The following BZW2 variants were observed in gnomAD, a reference collection of about 807,000 sequenced individuals.
BZW2 encodes the protein eIF5-mimic protein 1.
A neutral mutation model predicts 53.2 loss-of-function variants in BZW2; 23 were observed. The ratio of observed to expected loss-of-function variants is 0.43; its 90% CI spans 0.31 to 0.61. BZW2 has a LOEUF of 0.61. Among genes scored for constraint, BZW2 ranks in the 20% least tolerant of loss-of-function variants. The pLI is 0.09. For synonymous variants in BZW2, 227 were observed against 186.4 expected, an observed-to-expected ratio of 1.22 and a Z score of -1.77; for missense variants, 409 against 503.1, an observed-to-expected ratio of 0.81 and a Z score of 1.79.
In BZW2 at chr7:16,679,855, G is replaced by A. The variant is rs115557684; in HGVS notation, c.236-1446G>A. On this transcript the variant is annotated intron_variant, in intron 3 of 11. Coordinates refer to ENST00000258761, the MANE Select transcript of BZW2 (RefSeq NM_014038.3). ...AACCTTCTACCTTAATTACAACGAA[G>A]TAAAATTAGAAAATAAAAATTCCTA... Among the ~76,000 whole-genome samples, 1,086 of 152,220 alleles carry A rather than the reference G, an allele frequency of 7.1e-3. 12 individuals are homozygous for A. Among genetic ancestry groups the A allele is most frequent in the African/African-American group, 0.024 (1,015 of 41,526 alleles).
intron 1 of BZW2, among the ~76,000 whole-genome samples, chr7:16,660,664 T>C (rs1189113653): frequency 6.6e-6 from 1 of 152,148 alleles, no homozygotes; most frequent in Non-Finnish European, 1.5e-5. Context: ...AAGTAACCAT[T>C]AGCCACACTG....
At chr7:16,664,676 G>A (rs2128354147) in intron 1 of BZW2, among the ~76,000 whole-genome samples, 1 of 152,288 alleles carries the variant, frequency 6.6e-6, no homozygotes, top group South Asian at 2.1e-4. Context: ...GTTCCACTTG[G>A]TGCCTAAATT....
rs1583736513 is a variant in BZW2, at chr7:16,685,894, T to A, written c.406-11T>A. The A allele has an allele frequency of 7.0e-7, 1 of 1,436,870 alleles. No individual in the cohort carries two copies. The highest frequency in any genetic ancestry group is 3.0e-5 in the Admixed American group (1 of 33,866). The allele number at this position is 1,436,870 out of a possible 1,614,324, so 89.0% of individuals were successfully genotyped here. On this transcript the variant is annotated splice_polypyrimidine_tract_variant and intron_variant, in intron 5 of 11. Coordinates refer to ENST00000258761, the MANE Select transcript of BZW2 (RefSeq NM_014038.3). ...TCTTTTTCTTTTTTTTTTTTTTTTT[T>A]TGACCCACAGCTTCTCCTCTTCCTT...
intron 7 of BZW2, among the ~76,000 whole-genome samples, chr7:16,692,236 AACCCTTATT>A (rs150658180): frequency 0.034 from 5,112 of 152,278 alleles, 165 homozygotes; most frequent in African/African-American, 0.086. Context: ...GGGAGAAGCC[AACCCTTATT>A]ACTGACAAAG....
chr7:16,669,213 C>T (rs1782527634), intron 2 of BZW2, among the ~76,000 whole-genome samples: 1 of 152,166 alleles, frequency 6.6e-6, no homozygotes, highest in Non-Finnish European at 1.5e-5. Context: ...GCAGCCTCTC[C>T]CTCCCAGATT....
chr7:16,689,718 G>T, intron 6 of BZW2, 79 bp from the exon 7 acceptor site: 1 of 1,208,910 alleles, frequency 8.3e-7, no homozygotes, highest in East Asian at 2.6e-5. Context: ...ACACATTTCA[G>T]GAAACCTGGT....
chr7:16,674,182 G>A (rs1218346998), intron 2 of BZW2, among the ~76,000 whole-genome samples: 4 of 152,222 alleles, frequency 2.6e-5, no homozygotes, highest in Non-Finnish European at 5.9e-5. Context: ...TTACAGGCGT[G>A]AGCCACCGCG....
Position 16,689,846 on chromosome 7 carries a change from A to G in BZW2, c.591A>G (p.Glu197=), listed in dbSNP as rs1354750280. 3 of 1,612,132 alleles carry G rather than the reference A, an allele frequency of 1.9e-6. No individual in the cohort carries two copies. Among genetic ancestry groups the G allele is most frequent in the Middle Eastern group, 1.7e-4 (1 of 6,058 alleles). ...AGCTTTTCAAAGCATGGATGGCAGAAAAAGATGCCAACTCTGTTACCTCGT... is the reference window on the plus strand; with the variant it reads ...AGCTTTTCAAAGCATGGATGGCAGAGAAAGATGCCAACTCTGTTACCTCGT... ...AVKLFKAWMA[E]KDANSVTSSL... The change falls in exon 7 of 12, where the codon GAA becomes GAG. Residue 197 remains glutamate, a synonymous_variant. Transcript: ENST00000258761.
At chr7:16,685,876 C>CTTTTTTTTTTTTTTTTTT (rs34699573) in intron 5 of BZW2, 29 bp from the exon 6 acceptor site, 11 of 1,294,586 alleles carry the variant, frequency 8.5e-6, no homozygotes, top group Admixed American at 7.0e-5. Flanking sequence ...TTTTCTTTTT[C>CTTTTTTTTTTTTTTTTTT]TTTTTTTTTT....
intron 2 of BZW2, among the ~76,000 whole-genome samples, chr7:16,672,837 C>A (rs574292497): frequency 3.3e-5 from 5 of 152,330 alleles, no homozygotes; most frequent in Admixed American, 3.3e-4. Flanking sequence ...ACCCAAACTT[C>A]CAGTCACCAC....
intron 10 of BZW2, 122 bp downstream of exon 10, chr7:16,698,308 A>G: frequency 3.0e-6 from 4 of 1,344,050 alleles, no homozygotes; most frequent in Non-Finnish European, 4.1e-6. Flanking sequence ...CAAGATGCTA[A>G]TTTGTGAAAG....
At chr7:16,692,930 CA>C (rs1416492276) in intron 7 of BZW2, among the ~76,000 whole-genome samples, 1 of 151,996 alleles carries the variant, frequency 6.6e-6, no homozygotes, top group Non-Finnish European at 1.5e-5. Flanking sequence ...GCATTCCAGG[CA>C]AAGGGAATGG....
chr7:16,704,683 T>A lies in BZW2; in HGVS notation c.1231+14T>A, dbSNP rs935098440. 2 of 1,557,182 alleles carry A rather than the reference T, an allele frequency of 1.3e-6. No homozygotes were observed. The highest frequency in any genetic ancestry group is 1.8e-6 in the Non-Finnish European group (2 of 1,137,866). On this transcript the variant is annotated intron_variant, in intron 11 of 11. Transcript: ENST00000258761. The stretch of plus-strand genomic sequence containing the variant: ...ATGCAGAAGAAGGTATGATTCTGTT[T>A]ACAAACATTGATGACCTTTAAACAC...
chr7:16,696,497 A>G (rs964473490), intron 8 of BZW2, among the ~76,000 whole-genome samples: 1 of 152,226 alleles, frequency 6.6e-6, no homozygotes, highest in Non-Finnish European at 1.5e-5. Flanking sequence ...ATGGACCTGT[A>G]CAAACCCAAG....
intron 5 of BZW2, among the ~76,000 whole-genome samples, chr7:16,683,053 G>A (rs377207609): frequency 2.0e-5 from 3 of 151,968 alleles, no homozygotes; most frequent in Admixed American, 6.6e-5. Flanking sequence ...AAAATTACCC[G>A]GGCATGGTGG....
chr7:16,655,630 C>T (rs1401904216), intron 1 of BZW2, among the ~76,000 whole-genome samples: 2 of 152,154 alleles, frequency 1.3e-5, no homozygotes, highest in Non-Finnish European at 2.9e-5. Flanking sequence ...TTCTTCCTAA[C>T]TGTAACTCTG....
At chr7:16,656,220 A>G (rs1782119231) in intron 1 of BZW2, among the ~76,000 whole-genome samples, 1 of 151,862 alleles carries the variant, frequency 6.6e-6, no homozygotes, top group African/African-American at 2.4e-5. Context: ...TGCACCTTTA[A>G]TTCTCCTGGA....
chr7:16,675,588 A>G (rs1447146317), intron 3 of BZW2, among the ~76,000 whole-genome samples: 1 of 152,174 alleles, frequency 6.6e-6, no homozygotes, highest in Non-Finnish European at 1.5e-5. Flanking sequence ...GGCCCCATTG[A>G]CTACTAGGCC....
chr7:16,648,912 C>T (rs1781926665), intron 1 of BZW2, among the ~76,000 whole-genome samples: 1 of 152,188 alleles, frequency 6.6e-6, no homozygotes, highest in African/African-American at 2.4e-5. Flanking sequence ...CTCTCCCTCT[C>T]TATCCAGTAA....
Sources: allele counts gnomAD v4.1 joint callset (sites outside exome capture counted in the v4.1 genomes callset), GRCh38; gene constraint gnomAD v4.1.1; transcripts MANE v1.5; gene names NCBI Gene and HGNC (gene_info 2026-07-23, HGNC 2026-07-21).